Variants in IQSEC2 observed in about 807,000 individuals in gnomAD.
The protein encoded by IQSEC2 is IQ motif and SEC7 domain-containing protein 2.
Under a neutral mutation model 74.6 loss-of-function variants are expected in IQSEC2, and 6 were observed. That is an observed-to-expected ratio of 0.08 (90% CI 0.04 to 0.16). IQSEC2 has a LOEUF of 0.16. Among genes scored for constraint, IQSEC2 ranks in the 10% least tolerant of loss-of-function variants. The pLI is 1.00. For synonymous variants in IQSEC2, 494 were observed against 544.5 expected, an observed-to-expected ratio of 0.91 and a Z score of 1.29; for missense variants, 734 against 1,306.2, an observed-to-expected ratio of 0.56 and a Z score of 6.75.
chrX:53,305,845 A>G (rs1556876484), intron 1 of IQSEC2, among the ~76,000 whole-genome samples: 1 of 110,870 alleles, frequency 9.0e-6, no homozygotes, highest in South Asian at 3.8e-4. Context: ...CCCACCACAC[A>G]GTGCAGCCCA....
Position 53,251,120 on chromosome X carries a change from G to T in IQSEC2, c.1456C>A (p.Pro486Thr), listed in dbSNP as rs1569303019. 15 of 1,210,245 alleles carry T rather than the reference G, an allele frequency of 1.2e-5. No homozygotes were observed. Among genetic ancestry groups the T allele is most frequent in the Non-Finnish European group, 1.6e-5 (14 of 895,259 alleles). The part of the protein sequence containing the change: ...DEALNCHPSG[P>T]MSEEPGSAQL... ...GCTGACCCTGGCTCCTCAGACATGG[G>T]CCCTGACGGGTGGCAGTTCAGGGCT... Residue 486 changes from proline to threonine, a missense_variant, in exon 5 of 15, where the codon CCC (proline) becomes ACC (threonine). This residue lies in a region of IQSEC2 where 204 missense variants were observed against 305.4 expected (regional missense o/e 0.67). Coordinates refer to ENST00000642864, the MANE Select transcript of IQSEC2 (RefSeq NM_001111125.3).
rs140231156 is a variant in IQSEC2 at position 53,310,371 on chromosome X, G to C, written c.707+10046C>G. On this transcript the variant is annotated intron_variant, in intron 1 of 14. Coordinates refer to ENST00000642864, the MANE Select transcript of IQSEC2 (RefSeq NM_001111125.3). Reference sequence around the variant, plus strand: ...TGTTCTCCAGCCTGGCTGATAGAAAGAGACCCTGTCTCAAAACAAGCAAGC... The same window carrying C: ...TGTTCTCCAGCCTGGCTGATAGAAACAGACCCTGTCTCAAAACAAGCAAGC... Among the ~76,000 whole-genome samples the C allele has an allele frequency of 3.2e-3, 337 of 106,158 alleles. 2 individuals carry two copies. The highest frequency in any genetic ancestry group is 5.0e-3 in the Non-Finnish European group (254 of 50,997). 92.2% of individuals were successfully genotyped at this position (106,158 alleles called of 115,157 possible).
In IQSEC2 at chrX:53,254,692, C is replaced by T. The variant is rs1409305302; in HGVS notation, c.1239G>A (p.Leu413=). 13 of 1,209,018 alleles carry T rather than the reference C, an allele frequency of 1.1e-5. No individual in the cohort carries two copies. The highest frequency in any genetic ancestry group is 1.5e-5 in the Non-Finnish European group (13 of 894,526). The part of the protein sequence containing the change: ...PAYFEGKPAS[L]DEGAMAGARS... ...GGGCACCAGCCATGGCACCCTCGTC[C>T]AGCGAGGCAGGCTTGCCCTCGAAGT... The change falls in exon 4 of 15, where the codon CTG becomes CTA. Residue 413 remains leucine, a synonymous_variant. Transcript: ENST00000642864.
chrX:53,264,076 A>T (rs1472214793), intron 2 of IQSEC2, among the ~76,000 whole-genome samples: 1 of 111,982 alleles, frequency 8.9e-6, no homozygotes, highest in Non-Finnish European at 1.9e-5. Context: ...AGCCACCCAC[A>T]CCCAGCCTTG....
In IQSEC2 at chrX:53,317,762, C is replaced by T. The variant is rs782246424; in HGVS notation, c.707+2655G>A. 8.5e-4 allele frequency among the ~76,000 whole-genome samples: 96 copies of T among 112,734 alleles called. 1 individual carries two copies. Among genetic ancestry groups the T allele is most frequent in the African/African-American group, 2.8e-3 (88 of 31,078 alleles). ...GCTAAACTCCCACCCTGCCTGCCCTCGCTTCCAGCGGCTTCTCACCCACTC... is the reference window on the plus strand; with the variant it reads ...GCTAAACTCCCACCCTGCCTGCCCTTGCTTCCAGCGGCTTCTCACCCACTC... On this transcript the variant is annotated intron_variant, in intron 1 of 14. Transcript: ENST00000642864.
intron 2 of IQSEC2, among the ~76,000 whole-genome samples, chrX:53,280,059 C>T (rs1239038453): frequency 4.6e-5 from 5 of 109,651 alleles, no homozygotes; most frequent in Non-Finnish European, 7.6e-5. Context: ...ACGAAAGAGC[C>T]GGGCTGGGCC....
intron 1 of IQSEC2, among the ~76,000 whole-genome samples, chrX:53,292,226 G>T (rs2075107743): frequency 1.8e-5 from 2 of 111,962 alleles, no homozygotes; most frequent in South Asian, 7.4e-4. Context: ...GGGCCTAGTG[G>T]ATCACAGTGA....
rs782183855 is a variant in IQSEC2, at chrX:53,239,504, G to A, written c.3016-210C>T. On this transcript the variant is annotated intron_variant, in intron 10 of 14. Coordinates refer to ENST00000642864, the MANE Select transcript of IQSEC2 (RefSeq NM_001111125.3). ...CGCAAGTTCCTGATGTAATGACCAC[G>A]CACCACAGACATTTACCACATTTCC... The A allele has an allele frequency of 9.2e-5, 36 of 391,781 alleles. No individual in the cohort carries two copies. The East Asian group carries it at 1.4e-3, about 15-fold the overall frequency. The allele number at this position is 391,781 out of a possible 1,213,427, so 32.3% of individuals were successfully genotyped here.
chrX:53,254,547 C>T lies in IQSEC2; in HGVS notation c.1384G>A (p.Asp462Asn). Residue 462 changes from aspartate (D) to asparagine (N), a missense_variant, in exon 4 of 15, where the codon GAC becomes AAC. Physicochemically the swap from Asp to Asn is conservative, Grantham distance 23 (BLOSUM62 1). Transcript: ENST00000642864. ...ATCCTGACCTGTTTGGAGAAGGAGTCCTCAAGTTCTGTGATGTCATTAGAA... is the reference window on the plus strand; with the variant it reads ...ATCCTGACCTGTTTGGAGAAGGAGTTCTCAAGTTCTGTGATGTCATTAGAA... Reference protein sequence around the residue: ...EFSNDITELEDSFSKQVKSLA... With the variant: ...EFSNDITELENSFSKQVKSLA... The T allele has an allele frequency of 2.5e-6, 3 of 1,195,448 alleles. No homozygotes were observed. The highest frequency in any genetic ancestry group is 3.4e-6 in the Non-Finnish European group (3 of 889,559).
chrX:53,236,583 C>A, intron 12 of IQSEC2, 88 bp from the exon 13 acceptor site: 1 of 964,759 alleles, frequency 1.0e-6, no homozygotes, highest in Non-Finnish European at 1.4e-6. Flanking sequence ...ATGGGCCATT[C>A]TCCTTCCTCC....
intron 5 of IQSEC2, 54 bp from the exon 6 acceptor site, chrX:53,248,936 C>G (rs1372046018): frequency 2.1e-5 from 24 of 1,153,386 alleles, no homozygotes; most frequent in Non-Finnish European, 2.6e-5. Context: ...ACTGTGCTCT[C>G]TGTCTCATTT....
In IQSEC2 at chrX:53,250,817, G is replaced by A. The variant is rs1023497509; in HGVS notation, c.1759C>T (p.Arg587Trp). 2.5e-6 allele frequency: 3 copies of A among 1,208,458 alleles called. No individual in the cohort carries two copies. Among genetic ancestry groups the A allele is most frequent in the Non-Finnish European group, 2.2e-6 (2 of 893,590 alleles). Residue 587 changes from arginine (R) to tryptophan (W), a missense_variant, in exon 5 of 15, where the codon CGG (arginine) becomes TGG (tryptophan). Around this residue, in one of 12 missense-constraint regions of IQSEC2, gnomAD observed 204 missense variants for 305.4 expected, o/e 0.67. Coordinates refer to ENST00000642864, the MANE Select transcript of IQSEC2 (RefSeq NM_001111125.3). ...GCLECRDFRLRAAHLPLLTIE... is the reference protein window; with the variant it reads ...GCLECRDFRLWAAHLPLLTIE... ...GTAAGCAGGGGAAGGTGGGCAGCCCGCAGCCGGAAATCCCGGCACTCCAAG... is the reference window on the plus strand; with the variant it reads ...GTAAGCAGGGGAAGGTGGGCAGCCCACAGCCGGAAATCCCGGCACTCCAAG...
chrX:53,262,119 G>T (rs917874420), intron 2 of IQSEC2, among the ~76,000 whole-genome samples: 5 of 112,406 alleles, frequency 4.4e-5, no homozygotes, highest in Non-Finnish European at 9.4e-5. Context: ...GGGGGAGGAA[G>T]CTTGTGGACT....
chrX:53,269,761 C>T (rs2074712336), intron 2 of IQSEC2, among the ~76,000 whole-genome samples: 1 of 111,281 alleles, frequency 9.0e-6, no homozygotes, highest in Non-Finnish European at 1.9e-5. Flanking sequence ...CCAGGCCCTC[C>T]TGATGGTTAA....
chrX:53,317,627 C>T (rs1330104578), intron 1 of IQSEC2, among the ~76,000 whole-genome samples: 1 of 111,940 alleles, frequency 8.9e-6, no homozygotes, highest in African/African-American at 3.2e-5. Context: ...AGCTGCAGCT[C>T]GGCCCAGGCA....
chrX:53,235,300 A>C (rs2074110246), intron 14 of IQSEC2, 116 bp from the exon 15 acceptor site: 1 of 953,707 alleles, frequency 1.0e-6, no homozygotes, highest in Non-Finnish European at 1.4e-6. Context: ...CCAAGTTGTA[A>C]TAAAAACCAA....
At chrX:53,267,321 C>G (rs1294591660) in intron 2 of IQSEC2, among the ~76,000 whole-genome samples, 1 of 111,962 alleles carries the variant, frequency 8.9e-6, no homozygotes, top group Non-Finnish European at 1.9e-5. Context: ...ATATCAACTC[C>G]CTTTCTAACC....
chrX:53,300,039 C>T (rs1378188736), intron 1 of IQSEC2, among the ~76,000 whole-genome samples: 2 of 111,265 alleles, frequency 1.8e-5, no homozygotes, highest in Non-Finnish European at 3.8e-5. Flanking sequence ...GGGGGAATTA[C>T]AGTCATGAAC....
intron 1 of IQSEC2, among the ~76,000 whole-genome samples, chrX:53,317,666 G>C (rs187002104): frequency 1.8e-5 from 2 of 112,007 alleles, no homozygotes; most frequent in East Asian, 5.7e-4. Context: ...CCACCAGGGG[G>C]AGCCTGGGGA....
Sources: gnomAD v4.1 joint callset for allele counts (sites outside exome capture counted in the v4.1 genomes callset) on GRCh38, gnomAD v4.1.1 for gene constraint, gnomAD v4.1.1 regional missense constraint, MANE v1.5 for transcripts, NCBI Gene and HGNC (gene_info 2026-07-23, HGNC 2026-07-21) for gene names.